KIF16B: variants seen among roughly 807,000 people sequenced by gnomAD.
The protein encoded by KIF16B is kinesin-like protein KIF16B.
A neutral mutation model predicts 156.3 loss-of-function variants in KIF16B; 98 were observed. The ratio of observed to expected loss-of-function variants is 0.63; its 90% confidence interval spans 0.53 to 0.74. The LOEUF (loss-of-function observed/expected upper bound fraction) is 0.74. Ranked by LOEUF, KIF16B falls within the 30% of genes least tolerant of loss-of-function variation. KIF16B has a pLI of 0.00. For synonymous variants in KIF16B, 564 were observed against 583.7 expected (o/e 0.97, Z 0.49); for missense variants, 1,421 against 1,606.5 (o/e 0.88, Z 1.97).
chr20:16,334,252 C>T (rs181312977), intron 24 of KIF16B, among the ~76,000 whole-genome samples: 2 of 152,230 alleles, frequency 1.3e-5, no homozygotes, highest in Admixed American at 1.3e-4. Context: ...AAAATCCGTC[C>T]GTTATTAAAA....
chr20:16,415,946 T>C (rs529130457), intron 15 of KIF16B, among the ~76,000 whole-genome samples: 22 of 152,304 alleles, frequency 1.4e-4, no homozygotes, highest in Non-Finnish European at 2.2e-4. Context: ...AGAGTAGCTG[T>C]TGCAGTTCTC....
At position 16,273,244 on chromosome 20, in the gene KIF16B, C is replaced by T; in HGVS notation, c.*9G>A. Reference sequence around the variant, plus strand: ...CACTGCTGTGGTGGTTCCTCCATCACCCCTGGCTCTACCCCGTCCCGTGGC... The same window carrying T: ...CACTGCTGTGGTGGTTCCTCCATCATCCCTGGCTCTACCCCGTCCCGTGGC... On this transcript the variant is annotated 3_prime_UTR_variant, in exon 26 of 26. Transcript: ENST00000354981. 1.2e-6 allele frequency: 2 copies of T among 1,613,224 alleles called. No homozygotes were observed. The highest frequency in any genetic ancestry group is 1.1e-5 in the South Asian group (1 of 91,022).
intron 12 of KIF16B, among the ~76,000 whole-genome samples, chr20:16,485,501 T>C (rs537973455): frequency 6.6e-6 from 1 of 152,366 alleles, no homozygotes; most frequent in South Asian, 2.1e-4. Flanking sequence ...ATGTTTTCCC[T>C]GACCTAAAGG....
Position 16,417,934 on chromosome 20 carries a change from A to T in KIF16B, c.1612+9170T>A, listed in dbSNP as rs142021476. ...ACTTTTGTGTAATTGTAGTCGCAGAAGGAGAGGGGAAAGAGTATAGTGCGG... is the reference window on the plus strand; with the variant it reads ...ACTTTTGTGTAATTGTAGTCGCAGATGGAGAGGGGAAAGAGTATAGTGCGG... On this transcript the variant is annotated intron_variant, in intron 15 of 25. Coordinates refer to ENST00000354981, the MANE Select transcript of KIF16B (RefSeq NM_024704.5). Among the ~76,000 whole-genome samples, 766 of 152,232 alleles carry T rather than the reference A, an allele frequency of 5.0e-3. 5 individuals carry two copies. Among genetic ancestry groups the T allele is most frequent in the Middle Eastern group, 0.02 (6 of 294 alleles).
Position 16,312,395 on chromosome 20 carries a change from T to C in KIF16B, c.3735A>G (p.Pro1245=). ...YAELAALEFP[P]KKLFGNKDER... The stretch of plus-strand genomic sequence containing the variant: ...CATCCTTATTTCCAAATAGTTTCTT[T>C]GGAGGAAATTCAAGGGCAGCAAGCT... Residue 1245 remains proline, a synonymous_variant, in exon 25 of 26, where the codon CCA becomes CCG. Transcript: ENST00000354981. 6.2e-7 allele frequency: 1 copy of C among 1,613,502 alleles called. No individual in the cohort carries two copies. The highest frequency in any genetic ancestry group is 8.5e-7 in the Non-Finnish European group (1 of 1,179,684).
Position 16,506,108 on chromosome 20 carries a change from G to A in KIF16B, c.782C>T (p.Ala261Val). 6.2e-7 allele frequency: 1 copy of A among 1,613,972 alleles called. No homozygotes were observed. The highest frequency in any genetic ancestry group is 8.5e-7 in the Non-Finnish European group (1 of 1,179,888). The stretch of plus-strand genomic sequence containing the variant: ...TAGCCTAACCCCGGTGGCTCCGGTG[G>A]CATCTGCACGCTCACTTCCGGCAAG... Reference protein sequence around the residue: ...VDLAGSERADATGATGVRLKE... With the variant: ...VDLAGSERADVTGATGVRLKE... Residue 261 changes from alanine to valine, a missense_variant, in exon 8 of 26, where the codon GCC (alanine) becomes GTC (valine). Transcript: ENST00000354981.
intron 25 of KIF16B, among the ~76,000 whole-genome samples, chr20:16,283,543 C>G (rs954406275): frequency 1.3e-5 from 2 of 152,138 alleles, no homozygotes; most frequent in East Asian, 3.9e-4. Context: ...GCAGTGAGCC[C>G]GCCAGGTCTC....
chr20:16,411,868 G>A (rs952780513), intron 15 of KIF16B, among the ~76,000 whole-genome samples: 4 of 151,302 alleles, frequency 2.6e-5, no homozygotes, highest in African/African-American at 9.7e-5. Flanking sequence ...TTCCACTTGT[G>A]GTGTTATGCT....
chr20:16,356,930 C>A lies in KIF16B; in HGVS notation c.3499-478G>T, dbSNP rs569420097. Among the ~76,000 whole-genome samples, 6 of 152,222 alleles carry A rather than the reference C, an allele frequency of 3.9e-5. No homozygotes were observed. The East Asian group carries it at 1.2e-3, about 29-fold the overall frequency. ...TTTAACTTTTAGGCATTTTTATAAG[C>A]CAGTGTAGTGTGGAAAGCTCTTTAA... is the stretch of plus-strand genomic sequence containing the variant. On this transcript the variant is annotated intron_variant, in intron 22 of 25. Transcript: ENST00000354981.
rs959975145 is a variant in KIF16B at position 16,312,986 on chromosome 20, C to A, written c.3712-568G>T. 2.0e-5 allele frequency among the ~76,000 whole-genome samples: 3 copies of A among 152,024 alleles called. No individual in the cohort carries two copies. In the South Asian group the frequency reaches 6.2e-4, roughly 32 times the overall value. ...CTCTTTCCATCTTTTCACCTTGTTTCCTAAAAATGAAGGTTCAGATTTTGT... is the reference window on the plus strand; with the variant it reads ...CTCTTTCCATCTTTTCACCTTGTTTACTAAAAATGAAGGTTCAGATTTTGT... On this transcript the variant is annotated intron_variant, in intron 24 of 25. Coordinates refer to ENST00000354981, the MANE Select transcript of KIF16B (RefSeq NM_024704.5).
At chr20:16,506,261 A>C in intron 7 of KIF16B, 71 bp from the exon 8 acceptor site, 1 of 1,305,466 alleles carries the variant, frequency 7.7e-7, no homozygotes, top group Non-Finnish European at 1.1e-6. Context: ...TATGAATTCT[A>C]ACTATTTTCT....
chr20:16,286,539 A>G (rs2063225092), intron 25 of KIF16B, among the ~76,000 whole-genome samples: 1 of 138,482 alleles, frequency 7.2e-6, no homozygotes, highest in African/African-American at 2.7e-5. Flanking sequence ...TTGGATTAGA[A>G]TTCTAGTATC....
intron 1 of KIF16B, among the ~76,000 whole-genome samples, chr20:16,557,754 T>C (rs1490837982): frequency 6.6e-6 from 1 of 152,178 alleles, no homozygotes; most frequent in Non-Finnish European, 1.5e-5. Context: ...AGAGTATCTG[T>C]TTGGCCTGCA....
chr20:16,409,700 G>T (rs1238432290), intron 15 of KIF16B, among the ~76,000 whole-genome samples: 2 of 151,676 alleles, frequency 1.3e-5, no homozygotes, highest in Non-Finnish European at 2.9e-5. Flanking sequence ...TTGATGATGG[G>T]CTAGACACAA....
intron 12 of KIF16B, among the ~76,000 whole-genome samples, chr20:16,435,146 G>A (rs1321053750): frequency 6.6e-6 from 1 of 152,116 alleles, no homozygotes; most frequent in Non-Finnish European, 1.5e-5. Flanking sequence ...AAGTCAAGAG[G>A]TTATGAAACA....
At chr20:16,459,562 G>A (rs1474668150) in intron 12 of KIF16B, among the ~76,000 whole-genome samples, 1 of 152,148 alleles carries the variant, frequency 6.6e-6, no homozygotes, top group Non-Finnish European at 1.5e-5. Context: ...ACTCAGTCCA[G>A]GTCTTTGGTG....
chr20:16,493,932 T>C (rs1165933236), intron 12 of KIF16B, among the ~76,000 whole-genome samples: 1 of 152,214 alleles, frequency 6.6e-6, no homozygotes, highest in East Asian at 1.9e-4. Context: ...ATTTAATATG[T>C]TGCTTTGATA....
chr20:16,426,599 C>A (rs1254978068), intron 15 of KIF16B, among the ~76,000 whole-genome samples: 3 of 152,086 alleles, frequency 2.0e-5, no homozygotes, highest in Non-Finnish European at 4.4e-5. Flanking sequence ...ATGAAGTATT[C>A]AAGGACGGCA....
chr20:16,444,712 T>C (rs541239469), intron 12 of KIF16B, among the ~76,000 whole-genome samples: 4 of 152,358 alleles, frequency 2.6e-5, no homozygotes, highest in African/African-American at 9.6e-5. Context: ...CTTTAATGTA[T>C]GTAACCTGTC....
Sources: allele counts gnomAD v4.1 joint callset (sites outside exome capture counted in the v4.1 genomes callset), GRCh38; gene constraint gnomAD v4.1.1; transcripts MANE v1.5; gene names NCBI Gene and HGNC (gene_info 2026-07-23, HGNC 2026-07-21).